Variants in CYP3A7 observed in about 807,000 individuals in gnomAD.
CYP3A7 encodes cytochrome P450 3A7.
In CYP3A7, 45 loss-of-function variants were observed where a neutral mutation model predicts 55.2. The ratio of observed to expected loss-of-function variants is 0.82; its 90% CI spans 0.64 to 1.05. The LOEUF is 1.05. Among genes scored for constraint, CYP3A7 ranks in the 50% least tolerant of loss-of-function variants. CYP3A7 has a pLI of 0.00. For synonymous variants in CYP3A7, 180 were observed against 207.4 expected (o/e 0.87, Z 1.13); for missense variants, 548 against 605.3 (o/e 0.91, Z 0.99).
intron 1 of CYP3A7, among the ~76,000 whole-genome samples, chr7:99,734,731 C>T (rs1216667213): frequency 6.6e-6 from 1 of 151,550 alleles, no homozygotes; most frequent in Non-Finnish European, 1.5e-5. Flanking sequence ...AAGCAATTCT[C>T]CTGCCTCAGC....
At chr7:99,717,396 A>G (rs1165366956) in intron 5 of CYP3A7, 130 bp downstream of exon 5, 12 of 1,592,120 alleles carry the variant, frequency 7.5e-6, no homozygotes, top group South Asian at 1.1e-5. Context: ...TCTGTACATA[A>G]AAAGACTATT....
Position 99,705,235 on chromosome 7 carries a change from G to T in CYP3A7, c.*265C>A. The stretch of plus-strand genomic sequence containing the variant: ...GGAGGAGTTAATGGTGCTAACTGGG[G>T]GTGGTGGAGATAGTCCTATGAGAAG... On this transcript the variant is annotated 3_prime_UTR_variant, in exon 13 of 13. Coordinates refer to ENST00000336374, the MANE Select transcript of CYP3A7 (RefSeq NM_000765.5). 2.7e-6 allele frequency: 1 copy of T among 376,550 alleles called. No individual in the cohort carries two copies. Among genetic ancestry groups the T allele is most frequent in the Non-Finnish European group, 4.9e-6 (1 of 202,450 alleles). 23.3% of individuals were successfully genotyped at this position (376,550 alleles called of 1,614,324 possible).
chr7:99,732,444 T>G (rs1421353287), intron 1 of CYP3A7, among the ~76,000 whole-genome samples: 1 of 152,230 alleles, frequency 6.6e-6, no homozygotes, highest in Non-Finnish European at 1.5e-5. Flanking sequence ...ATGCTCATTT[T>G]TTTTCAAGGT....
chr7:99,709,698 CA>C (rs1188176786), intron 10 of CYP3A7, among the ~76,000 whole-genome samples: 1 of 151,980 alleles, frequency 6.6e-6, no homozygotes, highest in Admixed American at 6.6e-5. Flanking sequence ...GATTATTGGC[CA>C]AACTTCTGGT....
At position 99,717,596 on chromosome 7, in the gene CYP3A7, G is replaced by C; in HGVS notation, c.362C>G (p.Ala121Gly). 1 of 1,613,676 alleles carries C rather than the reference G, an allele frequency of 6.2e-7. No homozygotes were observed. The highest frequency in any genetic ancestry group is 8.5e-7 in the Non-Finnish European group (1 of 1,179,784). Residue 121 changes from alanine (A) to glycine (G), a missense_variant, in exon 5 of 13, where the codon GCT becomes GGT. Ala to Gly is a moderately conservative substitution (Grantham distance 60). Coordinates refer to ENST00000336374, the MANE Select transcript of CYP3A7 (RefSeq NM_000765.5). Reference protein sequence around the residue: ...VGFMKNAISIAEDEEWKRIRS... With the variant: ...VGFMKNAISIGEDEEWKRIRS... ...TATTCTCTTCCATTCTTCATCCTCAGCTATAGAGATGGCATTTTTCATAAA... is the reference window on the plus strand; with the variant it reads ...TATTCTCTTCCATTCTTCATCCTCACCTATAGAGATGGCATTTTTCATAAA...
chr7:99,730,680 A>G (rs1427670295), intron 2 of CYP3A7: 1 of 232,812 alleles, frequency 4.3e-6, no homozygotes. Flanking sequence ...TCATGTCCAC[A>G]GATAACAAGC....
At chr7:99,727,724 C>T (rs1341435691) in intron 2 of CYP3A7, among the ~76,000 whole-genome samples, 1 of 152,210 alleles carries the variant, frequency 6.6e-6, no homozygotes, top group Non-Finnish European at 1.5e-5. Context: ...CTCTGCCCCC[C>T]TCCACTATCT....
chr7:99,713,417 A>G (rs1813827028), intron 9 of CYP3A7, 52 bp downstream of exon 9: 2 of 1,610,784 alleles, frequency 1.2e-6, no homozygotes, highest in Admixed American at 1.7e-5. Flanking sequence ...TCAGAACAAA[A>G]CCTTCCCTCT....
intron 6 of CYP3A7, among the ~76,000 whole-genome samples, chr7:99,716,952 T>C (rs975862351): frequency 2.6e-5 from 4 of 152,320 alleles, no homozygotes; most frequent in Admixed American, 2.6e-4. Flanking sequence ...TTAACAGATA[T>C]GTAAACCCTG....
intron 2 of CYP3A7, among the ~76,000 whole-genome samples, chr7:99,729,585 C>G (rs1209643825): frequency 6.6e-6 from 1 of 152,192 alleles, no homozygotes; most frequent in Non-Finnish European, 1.5e-5. Context: ...AGAAATGAAA[C>G]AGCCAGCTCC....
chr7:99,717,821 C>T (rs1361348067), intron 4 of CYP3A7, among the ~76,000 whole-genome samples, 182 bp from the exon 5 acceptor site: 1 of 152,210 alleles, frequency 6.6e-6, no homozygotes, highest in Non-Finnish European at 1.5e-5. Flanking sequence ...CTGATGTGGT[C>T]TCCAGCCTGT....
intron 1 of CYP3A7, among the ~76,000 whole-genome samples, chr7:99,731,897 C>T (rs941422467): frequency 6.6e-6 from 1 of 152,188 alleles, no homozygotes; most frequent in African/African-American, 2.4e-5. Context: ...ATGATTGACT[C>T]ATATTTTCCT....
Position 99,714,688 on chromosome 7 carries a change from G to GAAAA in CYP3A7, c.671-10_671-7dup. The GAAAA allele has an allele frequency of 7.0e-7, 1 of 1,429,488 alleles. No homozygotes were observed. Among genetic ancestry groups the GAAAA allele is most frequent in the Non-Finnish European group, 9.5e-7 (1 of 1,052,932 alleles). The allele number at this position is 1,429,488 out of a possible 1,614,324, so 88.6% of individuals were successfully genotyped here. ...GGTAAGGAATGGAAAGACTTCTGTA[G>GAAAA]AAAAAAAAAACCAACAGAAAACGAA... is the stretch of plus-strand genomic sequence containing the variant. On this transcript the variant is annotated splice_polypyrimidine_tract_variant and splice_region_variant and intron_variant, in intron 7 of 12. Coordinates refer to ENST00000336374, the MANE Select transcript of CYP3A7 (RefSeq NM_000765.5).
At chr7:99,708,891 T>A (rs979554082) in intron 11 of CYP3A7, 144 bp downstream of exon 11, 103 of 967,050 alleles carry the variant, frequency 1.1e-4, no homozygotes, top group Non-Finnish European at 8.9e-5. Context: ...AGTGTGACAA[T>A]GATCAATTTC....
At chr7:99,720,750 A>G (rs552313264) in intron 3 of CYP3A7, 76 of 252,128 alleles carry the variant, frequency 3.0e-4, no homozygotes, top group African/African-American at 1.4e-3. Flanking sequence ...ATTCTCCACA[A>G]TGTTTCATAG....
At chr7:99,734,950 T>C (rs1478739251) in intron 1 of CYP3A7, 73 bp downstream of exon 1, 10 of 1,606,760 alleles carry the variant, frequency 6.2e-6, no homozygotes, top group Admixed American at 1.7e-5. Flanking sequence ...TCAAAACAGA[T>C]AAGGGAAAGA....
intron 11 of CYP3A7, among the ~76,000 whole-genome samples, chr7:99,708,340 T>C (rs956422197): frequency 1.3e-5 from 2 of 152,220 alleles, no homozygotes; most frequent in Admixed American, 1.3e-4. Context: ...GTCACCCTTA[T>C]GTTGGTCATG....
In CYP3A7 at chr7:99,723,515, A is replaced by G. The variant is rs140622509; in HGVS notation, c.166-1167T>C. 6.3e-3 allele frequency among the ~76,000 whole-genome samples: 958 copies of G among 152,236 alleles called. 3 individuals are homozygous for G. The highest frequency in any genetic ancestry group is 8.6e-3 in the Non-Finnish European group (584 of 68,004). On this transcript the variant is annotated intron_variant, in intron 2 of 12. Transcript: ENST00000336374. ...CAGTCAGCCTGCACCCAGGTGATTAAAAAGCTTTATTGCTCACACAAAGAC... is the reference window on the plus strand; with the variant it reads ...CAGTCAGCCTGCACCCAGGTGATTAGAAAGCTTTATTGCTCACACAAAGAC...
chr7:99,717,203 C>G lies in CYP3A7; in HGVS notation c.495G>C (p.Glu165Asp). The G allele has an allele frequency of 6.2e-7, 1 of 1,613,940 alleles. No homozygotes were observed. Among genetic ancestry groups the G allele is most frequent in the East Asian group, 2.2e-5 (1 of 44,870 alleles). ...VLVRNLRREA[E>D]TGKPVTLKHV... is the part of the protein sequence containing the mutation. The stretch of plus-strand genomic sequence containing the variant: ...GTTTCAAGGTGACAGGCTTGCCTGT[C>G]TCTGCTTCCCGCCTCAGATTTCTCA... The change falls in exon 6 of 13, where the codon GAG becomes GAC. Residue 165 changes from glutamate (E) to aspartate (D), a missense_variant. Transcript: ENST00000336374.
Sources: allele counts gnomAD v4.1 joint callset (sites outside exome capture counted in the v4.1 genomes callset), GRCh38; gene constraint gnomAD v4.1.1; transcripts MANE v1.5; gene names NCBI Gene and HGNC (gene_info 2026-07-23, HGNC 2026-07-21).